The following PPM1E variants were observed in gnomAD, a reference collection of about 807,000 sequenced individuals.
PPM1E encodes protein phosphatase 1E.
PPM1E carries 20 observed loss-of-function variants against 65.9 expected under a neutral mutation model. The ratio of observed to expected loss-of-function variants is 0.30; its 90% CI spans 0.21 to 0.44. The LOEUF (loss-of-function observed/expected upper bound fraction) is 0.44, where lower values mean the gene tolerates loss of function less well. Among genes scored for constraint, PPM1E ranks in the 20% least tolerant of loss-of-function variants. The pLI is 1.00. For synonymous variants in PPM1E, 352 were observed against 374.9 expected (o/e 0.94, Z 0.70); for missense variants, 713 against 953.1 (o/e 0.75, Z 3.32).
At chr17:58,864,513 G>C (rs879579812) in intron 1 of PPM1E, among the ~76,000 whole-genome samples, 4 of 152,000 alleles carry the variant, frequency 2.6e-5, no homozygotes, top group Non-Finnish European at 2.9e-5. Context: ...GGTGGCTTGC[G>C]CCTGTAAGTC....
At chr17:58,838,855 A>G (rs2050689197) in intron 1 of PPM1E, among the ~76,000 whole-genome samples, 1 of 152,246 alleles carries the variant, frequency 6.6e-6, no homozygotes, top group Non-Finnish European at 1.5e-5. Flanking sequence ...AGCGATCAAA[A>G]GAAAGGAGAT....
At chr17:58,905,637 G>A (rs1050270226) in intron 1 of PPM1E, among the ~76,000 whole-genome samples, 6 of 151,710 alleles carry the variant, frequency 4.0e-5, no homozygotes, top group Admixed American at 1.3e-4. Context: ...GAAGATTATT[G>A]CCCCTTTGTT....
intron 1 of PPM1E, among the ~76,000 whole-genome samples, chr17:58,809,003 A>G (rs1415878641): frequency 2.6e-5 from 4 of 152,050 alleles, no homozygotes; most frequent in Non-Finnish European, 5.9e-5. Flanking sequence ...CATTTCTTCT[A>G]TAAGTATGTC....
At chr17:58,785,592 G>A (rs1010867930) in intron 1 of PPM1E, 3 of 149,504 alleles carry the variant, frequency 2.0e-5, no homozygotes, top group African/African-American at 7.4e-5. Flanking sequence ...TTACAGGCAT[G>A]AGCCACCTTG....
chr17:58,760,557 A>G (rs2049811787), intron 1 of PPM1E, among the ~76,000 whole-genome samples: 1 of 152,156 alleles, frequency 6.6e-6, no homozygotes, highest in African/African-American at 2.4e-5. Flanking sequence ...CCCTTCTGCA[A>G]TATATTTTCC....
chr17:58,956,726 A>C (rs532618499), intron 2 of PPM1E, among the ~76,000 whole-genome samples: 1 of 152,172 alleles, frequency 6.6e-6, no homozygotes, highest in African/African-American at 2.4e-5. Context: ...AAATATTTTT[A>C]TAAAAATTAG....
chr17:58,922,139 T>A (rs1490236374), intron 1 of PPM1E, among the ~76,000 whole-genome samples: 1 of 151,058 alleles, frequency 6.6e-6, no homozygotes, highest in Admixed American at 6.6e-5. Flanking sequence ...TTATAATTTC[T>A]ATTTTTTTCA....
intron 1 of PPM1E, among the ~76,000 whole-genome samples, chr17:58,763,720 C>T (rs762223283): frequency 7.2e-5 from 11 of 152,130 alleles, no homozygotes; most frequent in Non-Finnish European, 1.2e-4. Flanking sequence ...GATTTCTCTA[C>T]GTTCTTGCTA....
chr17:58,827,911 A>AAT (rs2050557740), intron 1 of PPM1E, among the ~76,000 whole-genome samples: 4 of 144,686 alleles, frequency 2.8e-5, no homozygotes, highest in African/African-American at 7.7e-5. Context: ...CAAAAAAAAA[A>AAT]AATAATAATA....
At chr17:58,916,448 G>A (rs546679141) in intron 1 of PPM1E, among the ~76,000 whole-genome samples, 41 of 152,216 alleles carry the variant, frequency 2.7e-4, no homozygotes, top group African/African-American at 9.9e-4. Flanking sequence ...GCTTAAGGAT[G>A]AGCTTGCTGT....
chr17:58,949,276 G>T (rs544802254), intron 1 of PPM1E, among the ~76,000 whole-genome samples: 1 of 151,834 alleles, frequency 6.6e-6, no homozygotes, highest in African/African-American at 2.4e-5. Context: ...TATAGCTTTC[G>T]ACTTAAAGTC....
rs140144560 is a variant in PPM1E at position 58,768,085 on chromosome 17, G to A, written c.464+11624G>A. On this transcript the variant is annotated intron_variant, in intron 1 of 6. Coordinates refer to ENST00000308249, the MANE Select transcript of PPM1E (RefSeq NM_014906.5). ...CCTGCCTCATCCTCCCAAGTAGCTG[G>A]GATTACAGGTGCCTGCCACCTTGCC... Among the ~76,000 whole-genome samples, 22 of 151,990 alleles carry A rather than the reference G, an allele frequency of 1.4e-4. No individual in the cohort carries two copies. The East Asian group carries it at 3.3e-3, about 23-fold the overall frequency.
At chr17:58,883,686 T>C (rs936108512) in intron 1 of PPM1E, among the ~76,000 whole-genome samples, 10 of 151,282 alleles carry the variant, frequency 6.6e-5, no homozygotes, top group Non-Finnish European at 1.3e-4. Context: ...GGGGTTTCAC[T>C]GTGTTAGCCA....
intron 1 of PPM1E, among the ~76,000 whole-genome samples, chr17:58,846,526 T>G (rs2050773426): frequency 6.6e-6 from 1 of 152,214 alleles, no homozygotes; most frequent in South Asian, 2.1e-4. Context: ...TGGTGTTTGG[T>G]TTTCTGTCCT....
chr17:58,839,690 G>C (rs1255180158), intron 1 of PPM1E, among the ~76,000 whole-genome samples: 1 of 152,038 alleles, frequency 6.6e-6, no homozygotes, highest in Non-Finnish European at 1.5e-5. Flanking sequence ...CACTAACATT[G>C]ACCAAGAAGA....
At chr17:58,958,916 C>A (rs78773665) in intron 2 of PPM1E, among the ~76,000 whole-genome samples, 1 of 151,712 alleles carries the variant, frequency 6.6e-6, no homozygotes, top group African/African-American at 2.4e-5. Flanking sequence ...TCCAACTGCA[C>A]GGAAAAAGAA....
At chr17:58,864,386 A>G (rs1429613592) in intron 1 of PPM1E, among the ~76,000 whole-genome samples, 1 of 152,164 alleles carries the variant, frequency 6.6e-6, no homozygotes, top group Non-Finnish European at 1.5e-5. Context: ...CATGCCTGTA[A>G]TCCCATCAGT....
intron 1 of PPM1E, among the ~76,000 whole-genome samples, chr17:58,810,752 TA>T (rs2050358657): frequency 6.6e-6 from 1 of 152,194 alleles, no homozygotes; most frequent in East Asian, 1.9e-4. Flanking sequence ...AACTGTTCTA[TA>T]AAGAAAAATT....
chr17:58,944,109 A>C (rs2052111523), intron 1 of PPM1E, among the ~76,000 whole-genome samples: 1 of 151,696 alleles, frequency 6.6e-6, no homozygotes, highest in Admixed American at 6.6e-5. Flanking sequence ...CCTATCAGTT[A>C]CTGCCCCATA....
Sources: gnomAD v4.1 joint callset for allele counts (sites outside exome capture counted in the v4.1 genomes callset) on GRCh38, gnomAD v4.1.1 for gene constraint, MANE v1.5 for transcripts, NCBI Gene and HGNC (gene_info 2026-07-23, HGNC 2026-07-21) for gene names.